The following CNTNAP5 variants were observed in gnomAD, a reference collection of about 807,000 sequenced individuals.
CNTNAP5 encodes contactin-associated protein-like 5.
In CNTNAP5, 72 loss-of-function variants were observed where a neutral mutation model predicts 150.2. That is an observed-to-expected ratio of 0.48 (90% CI 0.40 to 0.58). The LOEUF is 0.58. Ranked by LOEUF, CNTNAP5 falls within the 20% of genes least tolerant of loss-of-function variation. CNTNAP5 has a pLI of 0.00. For missense variants in CNTNAP5, 1,636 were observed against 1,626.2 expected (o/e 1.01, Z -0.10); for synonymous variants, 672 against 619.8 (o/e 1.08, Z -1.25).
intron 3 of CNTNAP5, among the ~76,000 whole-genome samples, chr2:124,360,973 C>T (rs1690180946): frequency 1.4e-5 from 2 of 138,632 alleles, no homozygotes; most frequent in Non-Finnish European, 3.1e-5. Flanking sequence ...GGTCTTTTCA[C>T]ATAGTCCCAT....
At chr2:124,875,704 T>G (rs938217482) in intron 21 of CNTNAP5, among the ~76,000 whole-genome samples, 5 of 151,446 alleles carry the variant, frequency 3.3e-5, no homozygotes, top group South Asian at 2.1e-4. Flanking sequence ...GAGGGTTTTT[T>G]TTTTTTTTTT....
At chr2:124,498,367 AT>A (rs1260226867) in intron 7 of CNTNAP5, among the ~76,000 whole-genome samples, 2 of 152,030 alleles carry the variant, frequency 1.3e-5, no homozygotes, top group Non-Finnish European at 2.9e-5. Flanking sequence ...TTTGTAAAAT[AT>A]TTTAGGCTAC....
In CNTNAP5 at chr2:124,377,471, C is replaced by A. The variant is rs147084596; in HGVS notation, c.382-39972C>A. 1.2e-3 allele frequency among the ~76,000 whole-genome samples: 187 copies of A among 151,948 alleles called. 6 individuals carry two copies. In the East Asian group the frequency reaches 0.033, roughly 26 times the overall value. ...GGCAGATCACCTGAGGTCAGGAGTT[C>A]GAGACCAGACCTGACCAATATGATG... On this transcript the variant is annotated intron_variant, in intron 3 of 23. Transcript: ENST00000682447.
At chr2:124,567,378 A>G (rs1696048366) in intron 11 of CNTNAP5, among the ~76,000 whole-genome samples, 1 of 152,204 alleles carries the variant, frequency 6.6e-6, no homozygotes, top group Non-Finnish European at 1.5e-5. Context: ...CTTTTCAAAC[A>G]TACATCATTC....
At chr2:124,169,184 G>A (rs1410221539) in intron 1 of CNTNAP5, among the ~76,000 whole-genome samples, 1 of 152,052 alleles carries the variant, frequency 6.6e-6, no homozygotes, top group Non-Finnish European at 1.5e-5. Flanking sequence ...ATAGCATGGG[G>A]CAAAACTGAA....
intron 11 of CNTNAP5, among the ~76,000 whole-genome samples, chr2:124,579,156 A>G (rs190633943): frequency 3.3e-4 from 50 of 152,338 alleles, no homozygotes; most frequent in Non-Finnish European, 3.4e-4. Flanking sequence ...GATCAAAAAT[A>G]ATGCTGCCAG....
intron 13 of CNTNAP5, among the ~76,000 whole-genome samples, chr2:124,661,002 C>T (rs11690374): frequency 0.15 from 22,948 of 150,052 alleles, 2,100 homozygotes; most frequent in Middle Eastern, 0.24. Context: ...GGGCACTTAC[C>T]ATGAACAGAG....
At chr2:124,340,773 C>CTA (rs1310261185) in intron 3 of CNTNAP5, among the ~76,000 whole-genome samples, 2 of 146,330 alleles carry the variant, frequency 1.4e-5, no homozygotes, top group Non-Finnish European at 3.0e-5. Context: ...AAACAAACAA[C>CTA]TATATATATA....
intron 7 of CNTNAP5, among the ~76,000 whole-genome samples, chr2:124,492,293 G>C (rs578198267): frequency 6.6e-6 from 1 of 152,162 alleles, no homozygotes. Context: ...ATTTTTGTGA[G>C]TGTTGTAAGA....
chr2:124,488,684 A>G (rs1490565540), intron 7 of CNTNAP5, among the ~76,000 whole-genome samples: 1 of 152,248 alleles, frequency 6.6e-6, no homozygotes, highest in African/African-American at 2.4e-5. Flanking sequence ...TGAGCACACT[A>G]CAAATTGGAG....
intron 8 of CNTNAP5, among the ~76,000 whole-genome samples, chr2:124,510,501 A>ATATATATGTG (rs1376860118): frequency 7.7e-6 from 1 of 129,954 alleles, no homozygotes; most frequent in African/African-American, 2.9e-5. Context: ...ATATATATAT[A>ATATATATGTG]TATATATATA....
chr2:124,874,073 A>C (rs1460220806), intron 21 of CNTNAP5, among the ~76,000 whole-genome samples: 1 of 152,168 alleles, frequency 6.6e-6, no homozygotes, highest in South Asian at 2.1e-4. Context: ...CATGATGTAG[A>C]TACTGGCCCA....
At chr2:124,378,557 T>A (rs1690711054) in intron 3 of CNTNAP5, among the ~76,000 whole-genome samples, 1 of 152,150 alleles carries the variant, frequency 6.6e-6, no homozygotes, top group Non-Finnish European at 1.5e-5. Flanking sequence ...TAAAATTACA[T>A]TGTATGGTCT....
At chr2:124,304,770 A>G (rs1291680734) in intron 3 of CNTNAP5, among the ~76,000 whole-genome samples, 2 of 152,134 alleles carry the variant, frequency 1.3e-5, no homozygotes, top group Non-Finnish European at 2.9e-5. Flanking sequence ...CTAATTTTCA[A>G]AAGTATTCTC....
chr2:124,317,482 C>T (rs1398543074), intron 3 of CNTNAP5, among the ~76,000 whole-genome samples: 5 of 152,132 alleles, frequency 3.3e-5, no homozygotes, highest in East Asian at 1.9e-4. Flanking sequence ...GCTGCCTGCC[C>T]ATCTAGGCCC....
chr2:124,724,081 G>A (rs1680103409), intron 13 of CNTNAP5, among the ~76,000 whole-genome samples: 1 of 151,762 alleles, frequency 6.6e-6, no homozygotes, highest in African/African-American at 2.4e-5. Flanking sequence ...GGAGGTGGAG[G>A]TTGCAGTGAG....
chr2:124,916,594 T>A lies in CNTNAP5; in HGVS notation c.*2306T>A, dbSNP rs566377737. Among the ~76,000 whole-genome samples the A allele has an allele frequency of 1.6e-4, 25 of 152,212 alleles. No homozygotes were observed. Among genetic ancestry groups the A allele is most frequent in the African/African-American group, 5.5e-4 (23 of 41,576 alleles). Reference sequence around the variant, plus strand: ...TGAGGACTATGTTTTGCTGACATAGTGCTAATAGAAGAAATGGAGACTAGC... The same window carrying A: ...TGAGGACTATGTTTTGCTGACATAGAGCTAATAGAAGAAATGGAGACTAGC... On this transcript the variant is annotated 3_prime_UTR_variant, in exon 24 of 24. Coordinates refer to ENST00000682447, the MANE Select transcript of CNTNAP5 (RefSeq NM_001367498.1).
chr2:124,115,439 G>A (rs957479200), intron 1 of CNTNAP5, among the ~76,000 whole-genome samples: 6 of 152,074 alleles, frequency 3.9e-5, no homozygotes, highest in African/African-American at 1.4e-4. Context: ...GGCTAGCCAG[G>A]CCCTCAGTTT....
intron 3 of CNTNAP5, among the ~76,000 whole-genome samples, chr2:124,413,261 C>G (rs1274902439): frequency 0.011 from 1,662 of 150,296 alleles, 24 homozygotes; most frequent in African/African-American, 0.038. Flanking sequence ...GGAGAAATAG[C>G]AACACTTTTA....
Sources: allele counts gnomAD v4.1 joint callset (sites outside exome capture counted in the v4.1 genomes callset), GRCh38; gene constraint gnomAD v4.1.1; transcripts MANE v1.5; gene names NCBI Gene and HGNC (gene_info 2026-07-23, HGNC 2026-07-21).